Variants in IFT80 observed in about 807,000 individuals in gnomAD.
The protein encoded by IFT80 is intraflagellar transport 80, also known as intraflagellar transport protein 80 homolog.
A neutral mutation model predicts 107.9 loss-of-function variants in IFT80; 79 were observed. The observed-to-expected ratio is 0.73, with a 90% CI of 0.61 to 0.88. The LOEUF is 0.88. IFT80 is among the 40% of genes least tolerant of loss of function. IFT80 has a pLI of 0.00. For missense variants in IFT80, 797 were observed against 914.2 expected (o/e 0.87, Z 1.65); for synonymous variants, 299 against 300.9 (o/e 0.99, Z 0.07).
At chr3:160,362,356 C>G (rs1721553790) in intron 6 of IFT80, among the ~76,000 whole-genome samples, 1 of 152,098 alleles carries the variant, frequency 6.6e-6, no homozygotes, top group Admixed American at 6.6e-5. Context: ...ATAACAGGCT[C>G]TGAAATTGAG....
chr3:160,311,158 T>G (rs1458706398), intron 9 of IFT80, among the ~76,000 whole-genome samples: 1 of 151,890 alleles, frequency 6.6e-6, no homozygotes, highest in Non-Finnish European at 1.5e-5. Context: ...TAAATAAAAA[T>G]AAATAAATGT....
intron 12 of IFT80, among the ~76,000 whole-genome samples, chr3:160,297,648 A>C (rs1051282767): frequency 2.6e-5 from 4 of 152,074 alleles, no homozygotes; most frequent in Non-Finnish European, 1.5e-5. Flanking sequence ...ACTATAATAG[A>C]ATTTTTAATT....
At chr3:160,348,686 C>T (rs1318688833) in intron 8 of IFT80, among the ~76,000 whole-genome samples, 1 of 152,130 alleles carries the variant, frequency 6.6e-6, no homozygotes, top group South Asian at 2.1e-4. Flanking sequence ...TTTGATACCA[C>T]TAAGTGTCCA....
At position 160,275,182 on chromosome 3, in the gene IFT80, T is replaced by C. The variant is rs924255033; in HGVS notation, c.2099+2124A>G. 2.6e-5 allele frequency among the ~76,000 whole-genome samples: 4 copies of C among 152,194 alleles called. No homozygotes were observed. The East Asian group carries it at 7.7e-4, about 29-fold the overall frequency. ...TTCCTAGCACATCATAACCACTGAA[T>C]AAGTGGAGGCCAGTGTTTAGAAGTA... On this transcript the variant is annotated intron_variant, in intron 18 of 19. Transcript: ENST00000326448.
intron 8 of IFT80, among the ~76,000 whole-genome samples, chr3:160,331,068 T>C (rs1416538891): frequency 6.6e-6 from 1 of 152,220 alleles, no homozygotes; most frequent in African/African-American, 2.4e-5. Context: ...CATCTTTTTC[T>C]AATTGAGAAC....
At chr3:160,351,156 C>T (rs1423476224) in intron 8 of IFT80, among the ~76,000 whole-genome samples, 2 of 151,918 alleles carry the variant, frequency 1.3e-5, no homozygotes, top group Non-Finnish European at 2.9e-5. Context: ...TCACGTCAGA[C>T]TATTTTTCTG....
rs967072083 is a variant in IFT80, at chr3:160,279,216, C to T, written c.1813G>A (p.Val605Met). The change falls in exon 16 of 20, where the codon GTG becomes ATG. Residue 605 changes from valine (V) to methionine (M), a missense_variant. Val to Met is a conservative substitution (Grantham distance 21). Transcript: ENST00000326448. Reference sequence around the variant, plus strand: ...ACCTTAACAAAGCGACAAAGTCTCACAGCATCTTCCCATTTTGAACTGCTT... The same window carrying T: ...ACCTTAACAAAGCGACAAAGTCTCATAGCATCTTCCCATTTTGAACTGCTT... ...YVSSSKWEDAVRLCRFVKEQT... is the reference protein window; with the variant it reads ...YVSSSKWEDAMRLCRFVKEQT... 1 of 1,613,366 alleles carries T rather than the reference C, an allele frequency of 6.2e-7. No individual in the cohort carries two copies. The highest frequency in any genetic ancestry group is 1.3e-5 in the African/African-American group (1 of 74,884).
intron 8 of IFT80, among the ~76,000 whole-genome samples, chr3:160,335,414 G>T (rs1719399692): frequency 6.6e-6 from 1 of 151,826 alleles, no homozygotes; most frequent in South Asian, 2.1e-4. Context: ...TAGAGACGGG[G>T]TTTTGCCATG....
chr3:160,292,662 TAG>T (rs770968260), intron 12 of IFT80, among the ~76,000 whole-genome samples: 8 of 152,000 alleles, frequency 5.3e-5, no homozygotes, highest in Non-Finnish European at 1.0e-4. Context: ...ACATTTTTAG[TAG>T]AGACGGGGTT....
intron 8 of IFT80, among the ~76,000 whole-genome samples, chr3:160,336,941 A>G (rs1719524080): frequency 6.6e-6 from 1 of 152,216 alleles, no homozygotes; most frequent in South Asian, 2.1e-4. Context: ...CACTATAAGC[A>G]ATATGAAAAT....
intron 8 of IFT80, among the ~76,000 whole-genome samples, chr3:160,334,758 G>GT (rs928394179): frequency 6.6e-6 from 1 of 151,444 alleles, no homozygotes; most frequent in African/African-American, 2.4e-5. Flanking sequence ...TTCAAGTTGG[G>GT]TTTTTTGTTT....
chr3:160,333,888 T>G (rs888684695), intron 8 of IFT80, among the ~76,000 whole-genome samples: 1 of 152,180 alleles, frequency 6.6e-6, no homozygotes, highest in African/African-American at 2.4e-5. Flanking sequence ...GTACTGTACA[T>G]AATTGTATGT....
chr3:160,386,266 G>A (rs1425676641), intron 1 of IFT80, among the ~76,000 whole-genome samples: 1 of 152,180 alleles, frequency 6.6e-6, no homozygotes, highest in Non-Finnish European at 1.5e-5. Flanking sequence ...TGAATGACAT[G>A]TGTACTTTCA....
chr3:160,398,036 C>A (rs941063568), intron 1 of IFT80, among the ~76,000 whole-genome samples: 2 of 152,176 alleles, frequency 1.3e-5, no homozygotes, highest in Admixed American at 1.3e-4. Flanking sequence ...ATTCCAGAAG[C>A]CCTCAAAGAT....
At chr3:160,281,016 C>T (rs1714647767) in intron 14 of IFT80, among the ~76,000 whole-genome samples, 1 of 152,108 alleles carries the variant, frequency 6.6e-6, no homozygotes, top group Non-Finnish European at 1.5e-5. Flanking sequence ...ACTTAGAACC[C>T]TTATATTTTT....
chr3:160,314,270 T>TA (rs1717623165), intron 9 of IFT80, among the ~76,000 whole-genome samples: 1 of 152,154 alleles, frequency 6.6e-6, no homozygotes, highest in Admixed American at 6.5e-5. Context: ...ATCCTAAAGT[T>TA]AGAGTGGCAG....
intron 8 of IFT80, among the ~76,000 whole-genome samples, chr3:160,331,485 A>G (rs1227209446): frequency 1.3e-5 from 2 of 152,250 alleles, no homozygotes; most frequent in East Asian, 1.9e-4. Context: ...GAACTACTAT[A>G]TATCACTAAA....
At chr3:160,331,228 G>A (rs138733128) in intron 8 of IFT80, among the ~76,000 whole-genome samples, 219 of 152,260 alleles carry the variant, frequency 1.4e-3, no homozygotes, top group Non-Finnish European at 2.4e-3. Context: ...CAGTTGATCT[G>A]ATAACTAAGC....
chr3:160,276,799 T>C (rs55930449), intron 18 of IFT80, among the ~76,000 whole-genome samples: 22,051 of 152,166 alleles, frequency 0.14, 2,125 homozygotes, highest in Non-Finnish European at 0.21. Flanking sequence ...CTTTCTTTCC[T>C]TTCATCCATC....
Sources: gnomAD v4.1 joint callset for allele counts (sites outside exome capture counted in the v4.1 genomes callset) on GRCh38, gnomAD v4.1.1 for gene constraint, MANE v1.5 for transcripts, NCBI Gene and HGNC (gene_info 2026-07-23, HGNC 2026-07-21) for gene names.